CCSER1: variants seen among roughly 807,000 people sequenced by gnomAD.
The protein encoded by CCSER1 is coiled-coil serine rich protein 1.
In CCSER1, 41 loss-of-function variants were observed where a neutral mutation model predicts 82.0. That is an observed-to-expected ratio of 0.50 (90% CI 0.39 to 0.65). CCSER1 has a LOEUF of 0.65. Among genes scored for constraint, CCSER1 ranks in the 30% least tolerant of loss-of-function variants. CCSER1 has a pLI of 0.00. For missense variants in CCSER1, 1,119 were observed against 1,064.2 expected (o/e 1.05, Z -0.72); for synonymous variants, 414 against 383.9 (o/e 1.08, Z -0.92).
intron 7 of CCSER1, among the ~76,000 whole-genome samples, chr4:90,746,961 C>T (rs556436436): frequency 9.2e-5 from 14 of 152,264 alleles, no homozygotes; most frequent in Admixed American, 7.8e-4. Context: ...CTGTACTCTA[C>T]TGTTTTAACT....
At chr4:91,537,123 A>G (rs1415291060) in intron 10 of CCSER1, among the ~76,000 whole-genome samples, 6 of 152,264 alleles carry the variant, frequency 3.9e-5, no homozygotes, top group African/African-American at 1.4e-4. Flanking sequence ...GTCAGGCATT[A>G]TAGTAAAAGG....
At chr4:90,315,365 C>G (rs79049038) in intron 3 of CCSER1, among the ~76,000 whole-genome samples, 2,943 of 152,204 alleles carry the variant, frequency 0.019, 91 homozygotes, top group African/African-American at 0.068. Flanking sequence ...ACAGATGAAA[C>G]TTACTGAAAT....
chr4:90,371,811 G>GA (rs1398211710), intron 3 of CCSER1, among the ~76,000 whole-genome samples: 5 of 152,144 alleles, frequency 3.3e-5, no homozygotes, highest in African/African-American at 1.2e-4. Flanking sequence ...AGAGCCATGG[G>GA]AAAAACTGTC....
At chr4:90,470,719 A>G (rs1764242902) in intron 5 of CCSER1, among the ~76,000 whole-genome samples, 1 of 149,486 alleles carries the variant, frequency 6.7e-6, no homozygotes, top group African/African-American at 2.5e-5. Context: ...TTTCTCCACA[A>G]ATCCAGTGGA....
At chr4:90,599,212 C>G (rs984903116) in intron 5 of CCSER1, among the ~76,000 whole-genome samples, 3 of 152,142 alleles carry the variant, frequency 2.0e-5, no homozygotes, top group African/African-American at 7.2e-5. Flanking sequence ...AATCTCATCT[C>G]AGGTGGTGAT....
intron 7 of CCSER1, among the ~76,000 whole-genome samples, chr4:90,753,287 A>G (rs1186491738): frequency 6.6e-6 from 1 of 152,128 alleles, no homozygotes; most frequent in Non-Finnish European, 1.5e-5. Context: ...AGGAGAATGC[A>G]TATCCTGCCT....
intron 8 of CCSER1, among the ~76,000 whole-genome samples, chr4:90,876,887 A>T (rs7696847): frequency 0.71 from 107,332 of 151,918 alleles, 38,357 homozygotes; most frequent in African/African-American, 0.82. Flanking sequence ...GTTATGGAAT[A>T]CTTTTTGTCT....
chr4:90,487,112 A>G (rs969390775), intron 5 of CCSER1, among the ~76,000 whole-genome samples: 27 of 152,136 alleles, frequency 1.8e-4, no homozygotes, highest in East Asian at 5.8e-4. Flanking sequence ...AGGTTTCACA[A>G]TGTTGGCCAG....
At chr4:90,863,097 A>G (rs1016059529) in intron 8 of CCSER1, among the ~76,000 whole-genome samples, 15 of 134,850 alleles carry the variant, frequency 1.1e-4, no homozygotes, top group African/African-American at 4.2e-4. Context: ...CGCTCCCCCC[A>G]CCCCACAACA....
At chr4:91,046,492 A>G (rs1036379507) in intron 9 of CCSER1, among the ~76,000 whole-genome samples, 7 of 152,090 alleles carry the variant, frequency 4.6e-5, no homozygotes, top group African/African-American at 1.4e-4. Flanking sequence ...TTGAAACACC[A>G]TTTACTTTCT....
chr4:90,765,091 GTTTCCT>G (rs386677200), intron 7 of CCSER1, among the ~76,000 whole-genome samples: 19,135 of 152,010 alleles, frequency 0.13, 1,540 homozygotes, highest in Non-Finnish European at 0.17. Flanking sequence ...CTCCATCCAA[GTTTCCT>G]TCCAATCAGG....
chr4:91,462,782 G>A (rs961746077), intron 10 of CCSER1, among the ~76,000 whole-genome samples: 3 of 152,106 alleles, frequency 2.0e-5, no homozygotes, highest in African/African-American at 4.8e-5. Flanking sequence ...GTCAGAGATC[G>A]AACTGCAAGG....
chr4:90,200,064 A>ACACACACG (rs1241374086), intron 1 of CCSER1, among the ~76,000 whole-genome samples: 1 of 136,858 alleles, frequency 7.3e-6, no homozygotes, highest in East Asian at 2.0e-4. Context: ...GCACGCAGAC[A>ACACACACG]CACACACACA....
intron 10 of CCSER1, among the ~76,000 whole-genome samples, chr4:91,474,081 T>G (rs1757427234): frequency 6.6e-6 from 1 of 152,076 alleles, no homozygotes; most frequent in Non-Finnish European, 1.5e-5. Flanking sequence ...TATTGCTGTA[T>G]TTTGCATGTT....
intron 10 of CCSER1, among the ~76,000 whole-genome samples, chr4:91,188,433 C>T (rs17018193): frequency 0.11 from 17,036 of 152,004 alleles, 1,084 homozygotes; most frequent in East Asian, 0.23. Context: ...TTTTATTTTG[C>T]GAAATTTTTC....
chr4:91,188,477 G>T (rs917078083), intron 10 of CCSER1, among the ~76,000 whole-genome samples: 23 of 152,156 alleles, frequency 1.5e-4, no homozygotes, highest in African/African-American at 5.6e-4. Context: ...AGCACTGAGG[G>T]CAAATATGAT....
intron 5 of CCSER1, among the ~76,000 whole-genome samples, chr4:90,597,983 T>A (rs1204236079): frequency 6.6e-6 from 1 of 152,058 alleles, no homozygotes; most frequent in Admixed American, 6.6e-5. Context: ...ATTTTTTTTT[T>A]AAACGCTGAG....
chr4:90,646,015 G>C (rs559809231), intron 6 of CCSER1, among the ~76,000 whole-genome samples: 1 of 152,182 alleles, frequency 6.6e-6, no homozygotes, highest in East Asian at 1.9e-4. Context: ...ATCTGTCAAA[G>C]TTATATTTCT....
intron 10 of CCSER1, among the ~76,000 whole-genome samples, chr4:91,156,422 A>C (rs1358087038): frequency 1.3e-5 from 2 of 151,590 alleles, no homozygotes; most frequent in African/African-American, 4.8e-5. Context: ...GATCCTTAGA[A>C]ATTTACTTTT....
Sources: gnomAD v4.1 joint callset for allele counts (sites outside exome capture counted in the v4.1 genomes callset) on GRCh38, gnomAD v4.1.1 for gene constraint, MANE v1.5 for transcripts, NCBI Gene and HGNC (gene_info 2026-07-23, HGNC 2026-07-21) for gene names.